Variants in DMD observed in about 807,000 individuals in gnomAD.
DMD encodes the protein mutant dystrophin.
Under a neutral mutation model 330.1 loss-of-function variants are expected in DMD, and 63 were observed. The ratio of observed to expected loss-of-function variants is 0.19; its 90% CI spans 0.16 to 0.24. The LOEUF (loss-of-function observed/expected upper bound fraction) is 0.24, where lower values mean the gene tolerates loss of function less well. Among genes scored for constraint, DMD ranks in the 10% least tolerant of loss-of-function variants. The pLI is 1.00. For synonymous variants in DMD, 1,223 were observed against 959.8 expected, an observed-to-expected ratio of 1.27 and a Z score of -5.07; for missense variants, 3,344 against 2,684.1, an observed-to-expected ratio of 1.25 and a Z score of -5.43.
At chrX:31,284,837 CACA>C in intron 62 of DMD, among the ~76,000 whole-genome samples, 1 of 79,960 alleles carries the variant, frequency 1.3e-5, no homozygotes, top group African/African-American at 4.9e-5. Flanking sequence ...CACACACACA[CACA>C]CACACACACA....
rs146327551 is a variant in DMD, at chrX:32,191,599, T to G, written c.6438+25317A>C. Among the ~76,000 whole-genome samples, 1,064 of 111,438 alleles carry G rather than the reference T, an allele frequency of 9.5e-3. 7 individuals carry two copies. The highest frequency in any genetic ancestry group is 0.015 in the Admixed American group (159 of 10,454). On this transcript the variant is annotated intron_variant, in intron 44 of 78. Transcript: ENST00000357033. ...TTCCTTTCCCTCTTGCTGCTTATAA[T>G]ACAATTGTCCCTCAGTATCCATGGG... is the stretch of plus-strand genomic sequence containing the variant.
chrX:32,369,763 TA>T (rs2097866606), intron 34 of DMD, among the ~76,000 whole-genome samples: 1 of 111,271 alleles, frequency 9.0e-6, no homozygotes, highest in African/African-American at 3.3e-5. Flanking sequence ...CCCCTCTTTT[TA>T]AACAAATTTT....
intron 53 of DMD, among the ~76,000 whole-genome samples, chrX:31,677,940 A>G (rs2078539656): frequency 8.9e-6 from 1 of 112,127 alleles, no homozygotes; most frequent in South Asian, 3.7e-4. Context: ...AGGCCTGGCC[A>G]TAAAACACCA....
intron 17 of DMD, among the ~76,000 whole-genome samples, chrX:32,527,955 G>C (rs2047075014): frequency 8.9e-6 from 1 of 111,780 alleles, no homozygotes. Context: ...TGTGATACGT[G>C]TGTGTTTGTG....
At chrX:33,332,196 A>G (rs1048956200) in intron 1 of DMD, among the ~76,000 whole-genome samples, 1 of 111,531 alleles carries the variant, frequency 9.0e-6, no homozygotes, top group African/African-American at 3.2e-5. Context: ...ATATATCTGC[A>G]CAGAGTCTAT....
rs754294677 is a variant in DMD, at chrX:33,297,806, C to T, written c.7+41453G>A. 7.2e-5 allele frequency among the ~76,000 whole-genome samples: 8 copies of T among 110,351 alleles called. No individual in the cohort carries two copies. The Admixed American group carries it at 7.8e-4, about 11-fold the overall frequency. ...CTTATAGAAGTAGGGAGTAGAATAG[C>T]GGTTGCCAGGAGTGGTATAAATGGG... is the stretch of plus-strand genomic sequence containing the variant. On this transcript the variant is annotated intron_variant, in intron 1 of 17. Transcript: ENST00000288447.
At chrX:31,129,058 T>C (rs1445950170) in intron 77 of DMD, among the ~76,000 whole-genome samples, 3 of 111,176 alleles carry the variant, frequency 2.7e-5, no homozygotes, top group Admixed American at 9.6e-5. Context: ...TGTCAGGAAA[T>C]GAATCAAGAC....
At chrX:32,655,762 G>A (rs1045789912) in intron 9 of DMD, among the ~76,000 whole-genome samples, 2 of 111,268 alleles carry the variant, frequency 1.8e-5, no homozygotes, top group Non-Finnish European at 3.8e-5. Flanking sequence ...CATTATTAAC[G>A]TGTGGGAGTC....
intron 60 of DMD, among the ~76,000 whole-genome samples, chrX:31,382,077 C>T (rs1393818975): frequency 9.0e-6 from 1 of 111,544 alleles, no homozygotes; most frequent in East Asian, 2.8e-4. Context: ...GGTCCTATAA[C>T]AGACTGGACT....
At chrX:33,292,268 G>T (rs56107176) in intron 1 of DMD, among the ~76,000 whole-genome samples, 40,636 of 109,965 alleles carry the variant, frequency 0.37, 6,776 homozygotes, top group African/African-American at 0.66. Flanking sequence ...CACTTTCTGG[G>T]TGTTGGAACC....
intron 41 of DMD, among the ~76,000 whole-genome samples, chrX:32,329,179 G>A (rs961516985): frequency 8.9e-6 from 1 of 112,318 alleles, no homozygotes; most frequent in Admixed American, 9.5e-5. Flanking sequence ...TTATAAACAA[G>A]TAAACATGCA....
chrX:31,834,911 G>A (rs2093161408), intron 49 of DMD, among the ~76,000 whole-genome samples: 1 of 111,571 alleles, frequency 9.0e-6, no homozygotes, highest in South Asian at 3.7e-4. Context: ...TACAAAAATG[G>A]TTTTAAGGGT....
chrX:31,444,500 G>C lies in DMD; in HGVS notation c.9065C>G (p.Thr3022Ser). The C allele has an allele frequency of 8.3e-7, 1 of 1,211,579 alleles. No individual in the cohort carries two copies. The highest frequency in any genetic ancestry group is 1.1e-6 in the Non-Finnish European group (1 of 895,418). Residue 3022 changes from threonine to serine, a missense_variant, in exon 60 of 79, where the codon ACC becomes AGC. Transcript: ENST00000357033. Reference sequence around the variant, plus strand: ...GCTTACCTGCAGAAGCTTCCATCTGGTGTTCAGGTCTTCCAGAGTGCTGAG... The same window carrying C: ...GCTTACCTGCAGAAGCTTCCATCTGCTGTTCAGGTCTTCCAGAGTGCTGAG... ...YNLSTLEDLN[T>S]RWKLLQVAVE... is the part of the protein sequence containing the mutation.
intron 60 of DMD, among the ~76,000 whole-genome samples, chrX:31,395,480 C>T (rs777302559): frequency 4.4e-5 from 5 of 112,382 alleles, no homozygotes; most frequent in African/African-American, 1.6e-4. Context: ...TTAGCTACTT[C>T]AATACCTGTT....
At chrX:32,253,125 T>C (rs1410751771) in intron 43 of DMD, among the ~76,000 whole-genome samples, 2 of 106,461 alleles carry the variant, frequency 1.9e-5, no homozygotes, top group Non-Finnish European at 3.8e-5. Flanking sequence ...AGATTAAATA[T>C]ATTGTCCAGG....
intron 1 of DMD, among the ~76,000 whole-genome samples, chrX:33,098,230 A>G (rs1004770258): frequency 3.6e-5 from 4 of 111,740 alleles, no homozygotes; most frequent in Non-Finnish European, 7.5e-5. Flanking sequence ...CGAAGCCTCA[A>G]CACCTATAAT....
intron 56 of DMD, among the ~76,000 whole-genome samples, chrX:31,505,917 CCA>C (rs1397567045): frequency 9.0e-6 from 1 of 111,635 alleles, no homozygotes; most frequent in Non-Finnish European, 1.9e-5. Context: ...CAGGCGTGAG[CCA>C]CTACGCCTGG....
chrX:31,223,160 C>G, intron 63 of DMD, 39 bp from the exon 64 acceptor site: 18 of 1,121,345 alleles, frequency 1.6e-5, no homozygotes, highest in Non-Finnish European at 2.2e-5. Context: ...GTTATTCCAT[C>G]AGAAATAACA....
At chrX:32,613,166 T>C (rs138078306) in intron 12 of DMD, among the ~76,000 whole-genome samples, 167 of 111,193 alleles carry the variant, frequency 1.5e-3, no homozygotes, top group African/African-American at 5.3e-3. Flanking sequence ...CAATGAACAA[T>C]TTGGGACACA....
Sources: gnomAD v4.1 joint callset for allele counts (sites outside exome capture counted in the v4.1 genomes callset) on GRCh38, gnomAD v4.1.1 for gene constraint, MANE v1.5 for transcripts, NCBI Gene and HGNC (gene_info 2026-07-23, HGNC 2026-07-21) for gene names.